The following OPHN1 variants were observed in gnomAD, a reference collection of about 807,000 sequenced individuals.
The protein encoded by OPHN1 is oligophrenin 1.
A neutral mutation model predicts 60.7 loss-of-function variants in OPHN1; 11 were observed. The observed-to-expected ratio is 0.18, with a 90% CI of 0.11 to 0.30. The LOEUF (loss-of-function observed/expected upper bound fraction) is 0.30, where lower values mean the gene tolerates loss of function less well. Among genes scored for constraint, OPHN1 ranks in the 10% least tolerant of loss-of-function variants. OPHN1 has a pLI of 1.00. For missense variants in OPHN1, 449 were observed against 611.0 expected (o/e 0.73, Z 2.80); for synonymous variants, 226 against 222.6 (o/e 1.02, Z -0.14).
At chrX:68,317,559 GAAAGAAAGAAAGAAAGAGAA>G (rs2078213153) in intron 2 of OPHN1, among the ~76,000 whole-genome samples, 1 of 70,514 alleles carries the variant, frequency 1.4e-5, no homozygotes, top group South Asian at 7.5e-4. Flanking sequence ...AAGAAAGAAA[GAAAGAAAGAAAGAAAGAGAA>G]AGAAAGAAAG....
intron 5 of OPHN1, among the ~76,000 whole-genome samples, chrX:68,235,673 A>T (rs1286497418): frequency 2.9e-5 from 3 of 103,132 alleles, no homozygotes; most frequent in African/African-American, 1.1e-4. Context: ...CCCCATCTCT[A>T]CTAAAAATAC....
chrX:68,079,892 T>A (rs182394335), intron 19 of OPHN1, among the ~76,000 whole-genome samples: 1 of 111,716 alleles, frequency 9.0e-6, no homozygotes, highest in Non-Finnish European at 1.9e-5. Context: ...AGTCACCAAG[T>A]TCTATCAATT....
At chrX:68,383,088 C>T (rs1050984029) in intron 2 of OPHN1, among the ~76,000 whole-genome samples, 2 of 110,069 alleles carry the variant, frequency 1.8e-5, no homozygotes, top group Admixed American at 9.8e-5. Flanking sequence ...TTTGTGAGGC[C>T]GAGATGGGAG....
intron 7 of OPHN1, among the ~76,000 whole-genome samples, chrX:68,213,251 G>C (rs1328964151): frequency 9.0e-6 from 1 of 111,243 alleles, no homozygotes; most frequent in African/African-American, 3.3e-5. Context: ...TGCACCTGTA[G>C]TCCCAGTTAC....
intron 15 of OPHN1, among the ~76,000 whole-genome samples, chrX:68,144,950 G>A (rs1451593011): frequency 1.8e-5 from 2 of 111,635 alleles, no homozygotes; most frequent in Admixed American, 9.5e-5. Context: ...CTTGGCACAG[G>A]AAAAACAATA....
At chrX:68,242,214 CA>C (rs753856136) in intron 5 of OPHN1, among the ~76,000 whole-genome samples, 118 of 24,006 alleles carry the variant, frequency 4.9e-3, no homozygotes, top group East Asian at 0.011. Flanking sequence ...CCCATCTCTA[CA>C]AAAAAAAAAA....
At chrX:68,391,987 C>T in intron 2 of OPHN1, among the ~76,000 whole-genome samples, 1 of 111,991 alleles carries the variant, frequency 8.9e-6, no homozygotes, top group Non-Finnish European at 1.9e-5. Context: ...TATGTGCATG[C>T]TTTAAGCCAC....
chrX:68,091,253 T>C (rs902167145), intron 19 of OPHN1, among the ~76,000 whole-genome samples: 3 of 111,623 alleles, frequency 2.7e-5, no homozygotes, highest in Non-Finnish European at 5.6e-5. Flanking sequence ...TGTCCCACAC[T>C]GATTCCATGT....
intron 10 of OPHN1, 73 bp downstream of exon 10, chrX:68,206,500 G>A: frequency 1.3e-6 from 1 of 772,930 alleles, no homozygotes; most frequent in Non-Finnish European, 2.0e-6. Flanking sequence ...TTTGATACTA[G>A]GTCAACATAT....
chrX:68,290,043 C>A (rs1034607313), intron 3 of OPHN1, among the ~76,000 whole-genome samples: 1 of 106,801 alleles, frequency 9.4e-6, no homozygotes, highest in Non-Finnish European at 1.9e-5. Flanking sequence ...ATAATTGATT[C>A]TTTTTTTTTT....
chrX:68,219,275 T>C (rs1303177165), intron 6 of OPHN1, among the ~76,000 whole-genome samples: 3 of 79,610 alleles, frequency 3.8e-5, no homozygotes, highest in African/African-American at 1.5e-4. Context: ...CCAAGATTCA[T>C]AAAGCAAGTC....
intron 7 of OPHN1, 117 bp downstream of exon 7, chrX:68,213,745 C>A: frequency 1.9e-6 from 1 of 524,576 alleles, no homozygotes; most frequent in Non-Finnish European, 3.4e-6. Context: ...ACGTTCTAGA[C>A]ATTTCCACTG....
At chrX:68,100,267 G>A (rs1312527149) in intron 18 of OPHN1, among the ~76,000 whole-genome samples, 5 of 108,729 alleles carry the variant, frequency 4.6e-5, no homozygotes, top group South Asian at 7.9e-4. Context: ...ATACATACAC[G>A]CACACACACG....
At chrX:68,116,985 T>A (rs1408919696) in intron 16 of OPHN1, among the ~76,000 whole-genome samples, 1 of 112,058 alleles carries the variant, frequency 8.9e-6, no homozygotes, top group African/African-American at 3.2e-5. Context: ...CTGCCCATTT[T>A]ATATCACTGT....
chrX:68,052,125 A>G (rs1047124360), intron 23 of OPHN1, among the ~76,000 whole-genome samples: 4 of 111,505 alleles, frequency 3.6e-5, no homozygotes, highest in Admixed American at 1.9e-4. Context: ...CCCTGTCTCT[A>G]CTGAAAATAC....
chrX:68,286,708 C>T (rs2078042582), intron 3 of OPHN1, among the ~76,000 whole-genome samples: 1 of 111,748 alleles, frequency 8.9e-6, no homozygotes, highest in Admixed American at 9.5e-5. Context: ...ACAACTGCCA[C>T]TGAATGGTTT....
rs763198489 is a variant in OPHN1 at position 68,042,402 on chromosome X, G to C, written c.*4770C>G. ...TCACATGAATGAGCCCCAGGATCTCGTTTGTTTTATTATTTGGATATAGCA... is the reference window on the plus strand; with the variant it reads ...TCACATGAATGAGCCCCAGGATCTCCTTTGTTTTATTATTTGGATATAGCA... On this transcript the variant is annotated 3_prime_UTR_variant, in exon 25 of 25. Transcript: ENST00000355520. 1.8e-5 allele frequency: 2 copies of C among 111,228 alleles called. No individual in the cohort carries two copies. Among genetic ancestry groups the C allele is most frequent in the African/African-American group, 3.3e-5 (1 of 30,572 alleles). 9.2% of individuals were successfully genotyped at this position (111,228 alleles called of 1,213,427 possible). A position where few individuals can be genotyped will look rare whatever the true frequency, so the allele number is the denominator to read the frequency against.
chrX:68,283,147 A>G, intron 3 of OPHN1, 30 bp from the exon 4 acceptor site: 1 of 1,120,622 alleles, frequency 8.9e-7, no homozygotes, highest in Non-Finnish European at 1.2e-6. Flanking sequence ...TGTAAAACAA[A>G]TTAATCATGG....
chrX:68,426,552 T>TTG (rs1227316565), intron 2 of OPHN1, among the ~76,000 whole-genome samples: 1 of 16,198 alleles, frequency 6.2e-5, no homozygotes, highest in African/African-American at 8.8e-5. Flanking sequence ...GACATCTGTT[T>TTG]TATATATATA....
Sources: allele counts gnomAD v4.1 joint callset (sites outside exome capture counted in the v4.1 genomes callset), GRCh38; gene constraint gnomAD v4.1.1; transcripts MANE v1.5; gene names NCBI Gene and HGNC (gene_info 2026-07-23, HGNC 2026-07-21).